Variants in C1orf159 observed in about 807,000 individuals in gnomAD.
C1orf159 encodes the protein uncharacterized protein C1orf159.
Under a neutral mutation model 25.6 loss-of-function variants are expected in C1orf159, and 19 were observed. The ratio of observed to expected loss-of-function variants is 0.74; its 90% CI spans 0.52 to 1.09. C1orf159 has a LOEUF of 1.09. C1orf159 is among the 50% of genes least tolerant of loss of function. The probability of loss-of-function intolerance (pLI) is 0.00; values close to 1 mark genes in which losing one functional copy is unlikely to be tolerated. For synonymous variants in C1orf159, 139 were observed against 124.7 expected, an observed-to-expected ratio of 1.12 and a Z score of -0.77; for missense variants, 274 against 290.6, an observed-to-expected ratio of 0.94 and a Z score of 0.42.
chr1:1,088,162 C>G (rs1350400631), intron 4 of C1orf159, among the ~76,000 whole-genome samples: 1 of 122,422 alleles, frequency 8.2e-6, no homozygotes, highest in Non-Finnish European at 1.7e-5. Flanking sequence ...AGACCCCCCC[C>G]ACGCCTCTCC....
At chr1:1,090,950 G>C in intron 3 of C1orf159, 1 of 1,550,406 alleles carries the variant, frequency 6.4e-7, no homozygotes, top group African/African-American at 1.4e-5. Context: ...CCCTCAGCTT[G>C]TGTGTTGATC....
At chr1:1,093,914 C>T (rs1439479098) in intron 1 of C1orf159, among the ~76,000 whole-genome samples, 1 of 152,176 alleles carries the variant, frequency 6.6e-6, no homozygotes, top group Non-Finnish European at 1.5e-5. Flanking sequence ...TGTGGGTGCA[C>T]GCAGGGTGTC....
In C1orf159 at chr1:1,087,989, G is replaced by A. The variant is rs995160733; in HGVS notation, c.149-392C>T. ...CCCGACCCTGAGTACTCCACACTGC[G>A]TACTTCAGAGAGTGGTAGGCGGCAG... On this transcript the variant is annotated intron_variant, in intron 4 of 9. Transcript: ENST00000421241. This position sits in a 1 kb window ranked among gnomAD's most constrained non-coding sequence, Gnocchi z 8.3. Among the ~76,000 whole-genome samples the A allele has an allele frequency of 1.3e-5, 2 of 151,894 alleles. No homozygotes were observed. The highest frequency in any genetic ancestry group is 2.4e-5 in the African/African-American group (1 of 41,390).
chr1:1,109,124 G>GTCT (rs1646223460), intron 1 of C1orf159, among the ~76,000 whole-genome samples: 2 of 91,070 alleles, frequency 2.2e-5, no homozygotes, highest in African/African-American at 1.7e-4. Context: ...GCCAAAAGGT[G>GTCT]GGAGCAAGTG....
Position 1,105,332 on chromosome 1 carries a change from G to A in C1orf159, c.-136+10728C>T, listed in dbSNP as rs1026989709. ...GGCAGGAGTTTTAAGACCGGCCTGG[G>A]CAATACACCGAAACCCCTTACAGAA... On this transcript the variant is annotated intron_variant, in intron 1 of 9. Coordinates refer to ENST00000421241, the MANE Select transcript of C1orf159 (RefSeq NM_017891.5). 4.6e-5 allele frequency among the ~76,000 whole-genome samples: 7 copies of A among 151,898 alleles called. No individual in the cohort carries two copies. The South Asian group carries it at 1.5e-3, about 32-fold the overall frequency.
chr1:1,087,314 G>A lies in C1orf159; in HGVS notation c.245-110C>T, dbSNP rs1557747232. ...GAAATATGAAAGCGAGGGGCTGAGG[G>A]GGCGGAGCAGCCCTCACCACAGAGC... On this transcript the variant is annotated intron_variant, in intron 5 of 9. Transcript: ENST00000421241. This position sits in a 1 kb window ranked among gnomAD's most constrained non-coding sequence, Gnocchi z 8.3. The A allele has an allele frequency of 8.0e-7, 1 of 1,249,896 alleles. No individual in the cohort carries two copies. The highest frequency in any genetic ancestry group is 2.5e-5 in the East Asian group (1 of 39,286). 77.4% of individuals were successfully genotyped at this position (1,249,896 alleles called of 1,614,324 possible). A position where few individuals can be genotyped will look rare whatever the true frequency, so the allele number is the denominator to read the frequency against.
chr1:1,090,842 G>C (rs940657836), intron 3 of C1orf159: 2 of 1,511,840 alleles, frequency 1.3e-6, no homozygotes, highest in Non-Finnish European at 1.8e-6. Flanking sequence ...AGGTGCCCAG[G>C]TACTGCACAG....
chr1:1,088,064 C>G (rs9442399), intron 4 of C1orf159, among the ~76,000 whole-genome samples: 150,814 of 151,230 alleles, frequency 1, 75,201 homozygotes, highest in Middle Eastern at 1. Context: ...TGCAGGACTG[C>G]AGGCTGGGCC....
At chr1:1,091,393 G>T in intron 3 of C1orf159, 79 bp downstream of exon 3, 1 of 1,311,254 alleles carries the variant, frequency 7.6e-7, no homozygotes, top group Non-Finnish European at 1.1e-6. Flanking sequence ...GGAAGGGTTA[G>T]ACCCTCTAGG....
chr1:1,088,803 C>A (rs938280522), intron 4 of C1orf159, among the ~76,000 whole-genome samples: 1 of 152,238 alleles, frequency 6.6e-6, no homozygotes, highest in African/African-American at 2.4e-5. Context: ...GGGGACCCCG[C>A]GGTGGAGAGT....
At chr1:1,094,495 G>T (rs1220428005) in intron 1 of C1orf159, among the ~76,000 whole-genome samples, 1 of 151,988 alleles carries the variant, frequency 6.6e-6, no homozygotes, top group Non-Finnish European at 1.5e-5. Flanking sequence ...CCGCCTTCTG[G>T]GTTCACACCA....
chr1:1,092,557 G>A, intron 1 of C1orf159: 1 of 153,130 alleles, frequency 6.5e-6, no homozygotes, highest in Non-Finnish European at 1.5e-5. Flanking sequence ...GGCCTCCCTG[G>A]CAAGTTACCC....
chr1:1,086,124 C>G, intron 6 of C1orf159, 112 bp from the exon 7 acceptor site: 1 of 1,319,378 alleles, frequency 7.6e-7, no homozygotes, highest in Non-Finnish European at 1.0e-6. Context: ...CATGCCTGAG[C>G]CTCACGGGAC....
intron 1 of C1orf159, among the ~76,000 whole-genome samples, chr1:1,098,542 G>A (rs535100252): frequency 2.6e-5 from 4 of 152,242 alleles, no homozygotes; most frequent in East Asian, 1.9e-4. Flanking sequence ...TTTAAAATTC[G>A]TTGGAACTTG....
intron 1 of C1orf159, among the ~76,000 whole-genome samples, chr1:1,097,209 C>T (rs574968270): frequency 7.3e-4 from 111 of 152,100 alleles, no homozygotes; most frequent in Non-Finnish European, 1.3e-3. Context: ...CGGGTTCAAG[C>T]GATTCTTGTG....
intron 4 of C1orf159, among the ~76,000 whole-genome samples, chr1:1,088,846 G>A (rs760988605): frequency 2.6e-5 from 4 of 152,156 alleles, no homozygotes; most frequent in Non-Finnish European, 4.4e-5. Context: ...TGTGACAGGG[G>A]TCACTCTGCA....
At position 1,091,455 on chromosome 1, in the gene C1orf159, G is replaced by A. The variant is rs979250413; in HGVS notation, c.72+17C>T. The A allele has an allele frequency of 3.9e-5, 60 of 1,549,516 alleles. No individual in the cohort carries two copies. The Middle Eastern group carries it at 6.7e-4, about 17-fold the overall frequency. ...GCTCTGGCTTAGGCCGCGTGGACACGTGAGGGGGGCACCTACCGTGTTCTC... is the reference window on the plus strand; with the variant it reads ...GCTCTGGCTTAGGCCGCGTGGACACATGAGGGGGGCACCTACCGTGTTCTC... On this transcript the variant is annotated intron_variant, in intron 3 of 9. Coordinates refer to ENST00000421241, the MANE Select transcript of C1orf159 (RefSeq NM_017891.5).
intron 1 of C1orf159, chr1:1,092,845 T>A (rs1236133854): frequency 6.6e-6 from 1 of 152,264 alleles, no homozygotes; most frequent in Non-Finnish European, 1.5e-5. Flanking sequence ...ATGCTTGAGC[T>A]CAGGAGTTGG....
At chr1:1,099,552 A>G in intron 1 of C1orf159, among the ~76,000 whole-genome samples, 1 of 151,402 alleles carries the variant, frequency 6.6e-6, no homozygotes, top group African/African-American at 2.4e-5. Flanking sequence ...TAAGAAATGG[A>G]GAGAGAGAGG....
Sources: gnomAD v4.1 joint callset for allele counts (sites outside exome capture counted in the v4.1 genomes callset) on GRCh38, gnomAD v4.1.1 for gene constraint, Gnocchi (gnomAD v3.1) non-coding constraint, MANE v1.5 for transcripts, NCBI Gene and HGNC (gene_info 2026-07-23, HGNC 2026-07-21) for gene names.